The following PCDHA6 variants were observed in gnomAD, a reference collection of about 807,000 sequenced individuals.
The protein encoded by PCDHA6 is protocadherin alpha 6.
PCDHA6 carries 55 observed loss-of-function variants against 60.3 expected under a neutral mutation model. That is an observed-to-expected ratio of 0.91 (90% CI 0.73 to 1.14). The LOEUF (loss-of-function observed/expected upper bound fraction) is 1.14, where lower values mean the gene tolerates loss of function less well. Among genes scored for constraint, PCDHA6 ranks in the 50% most tolerant of loss-of-function variants. The probability of loss-of-function intolerance (pLI) is 0.00; values close to 1 mark genes in which losing one functional copy is unlikely to be tolerated. For synonymous variants in PCDHA6, 652 were observed against 557.9 expected (o/e 1.17, Z -2.38); for missense variants, 1,327 against 1,256.5 (o/e 1.06, Z -0.85).
At chr5:140,886,201 T>C (rs1224274096) in intron 1 of PCDHA6, among the ~76,000 whole-genome samples, 2 of 152,140 alleles carry the variant, frequency 1.3e-5, no homozygotes, top group African/African-American at 2.4e-5. Flanking sequence ...AGTAATCTGT[T>C]CTCCATTTCT....
chr5:140,848,707 G>GC, intron 1 of PCDHA6: 1 of 1,592,428 alleles, frequency 6.3e-7, no homozygotes, highest in Non-Finnish European at 8.6e-7. Flanking sequence ...TCCAAAGGCC[G>GC]CGGGGACCTT....
Position 140,967,279 on chromosome 5 carries a change from T to G in PCDHA6, c.2395-11670T>G, listed in dbSNP as rs184476796. The G allele has an allele frequency of 7.8e-5, 126 of 1,613,002 alleles. 1 individual carries two copies. The East Asian group carries it at 2.6e-3, about 34-fold the overall frequency. On this transcript the variant is annotated intron_variant, in intron 1 of 3. Coordinates refer to ENST00000529310, the MANE Select transcript of PCDHA6 (RefSeq NM_018909.4). ...CTGGAGCGCGCTTTCACATAGAGAGTGCGCAGGACCCCGACGTGGGCGCCA... is the reference window on the plus strand; with the variant it reads ...CTGGAGCGCGCTTTCACATAGAGAGGGCGCAGGACCCCGACGTGGGCGCCA...
chr5:140,980,562 G>A (rs944389305), intron 2 of PCDHA6, among the ~76,000 whole-genome samples: 2 of 152,048 alleles, frequency 1.3e-5, no homozygotes, highest in Non-Finnish European at 2.9e-5. Context: ...CCCGGGAGGC[G>A]GAAGTTGCAG....
rs2150473492 is a variant in PCDHA6 at position 140,850,211 on chromosome 5, C to T, written c.2394+19726C>T. 11 of 1,593,428 alleles carry T rather than the reference C, an allele frequency of 6.9e-6. 1 individual carries two copies. Among genetic ancestry groups the T allele is most frequent in the Non-Finnish European group, 9.4e-6 (11 of 1,167,634 alleles). ...CGCTGCTGACACCTCGGATGAGGGG[C>T]ACTGACGGCGCAGTGAGCGAGATGG... On this transcript the variant is annotated intron_variant, in intron 1 of 3. Coordinates refer to ENST00000529310, the MANE Select transcript of PCDHA6 (RefSeq NM_018909.4).
intron 1 of PCDHA6, chr5:140,862,484 G>A (rs2047390468): frequency 2.6e-6 from 1 of 382,510 alleles, no homozygotes; most frequent in Non-Finnish European, 5.2e-6. Context: ...TCCATTGTTG[G>A]TAATCGCTCG....
intron 1 of PCDHA6, chr5:140,882,890 C>T (rs2059348397): frequency 6.2e-7 from 1 of 1,614,060 alleles, no homozygotes; most frequent in East Asian, 2.2e-5. Flanking sequence ...AATTCAGGAA[C>T]ATAGTTTATT....
At chr5:140,994,157 G>A (rs958405989) in intron 3 of PCDHA6, among the ~76,000 whole-genome samples, 1 of 152,198 alleles carries the variant, frequency 6.6e-6, no homozygotes, top group Non-Finnish European at 1.5e-5. Context: ...TAGGGTCAAC[G>A]AAGGGGAAGG....
intron 1 of PCDHA6, chr5:140,863,473 C>A (rs966575223): frequency 6.2e-6 from 3 of 487,660 alleles, no homozygotes; most frequent in South Asian, 1.6e-5. Flanking sequence ...TCTGGAGAGT[C>A]GCCTCCCAAG....
chr5:141,010,312 G>C lies in PCDHA6; in HGVS notation c.*375G>C. On this transcript the variant is annotated 3_prime_UTR_variant, in exon 4 of 4. Transcript: ENST00000529310. ...TGCAGGGCAGGCTGAAAAGTTTTGA[G>C]ATTGAGCAGCTTGGGAGTTTGTGGC... is the stretch of plus-strand genomic sequence containing the variant. 1 of 1,547,400 alleles carries C rather than the reference G, an allele frequency of 6.5e-7. No individual in the cohort carries two copies. The highest frequency in any genetic ancestry group is 8.7e-7 in the Non-Finnish European group (1 of 1,145,752).
intron 1 of PCDHA6, among the ~76,000 whole-genome samples, chr5:140,917,939 G>A (rs1408047210): frequency 6.6e-6 from 1 of 151,830 alleles, no homozygotes; most frequent in African/African-American, 2.4e-5. Context: ...AAATAATATT[G>A]GTAGTTTGAT....
chr5:140,937,812 T>A (rs930837901), intron 1 of PCDHA6, among the ~76,000 whole-genome samples: 3 of 150,742 alleles, frequency 2.0e-5, no homozygotes, highest in Non-Finnish European at 4.4e-5. Flanking sequence ...CTCGGGAAGC[T>A]GAGGCAGGAG....
At chr5:140,862,662 C>T in intron 1 of PCDHA6, 1 of 546,862 alleles carries the variant, frequency 1.8e-6, no homozygotes, top group Non-Finnish European at 3.7e-6. Context: ...GGGACCGGGA[C>T]GCGCAGGAGA....
At chr5:140,905,135 T>A (rs2071619691) in intron 1 of PCDHA6, among the ~76,000 whole-genome samples, 1 of 152,208 alleles carries the variant, frequency 6.6e-6, no homozygotes, top group Non-Finnish European at 1.5e-5. Context: ...GAAGAGTTTT[T>A]CTGCTGTTAT....
intron 1 of PCDHA6, chr5:140,854,421 A>T (rs1331549600): frequency 1.3e-5 from 2 of 151,624 alleles, no homozygotes; most frequent in Admixed American, 1.3e-4. Flanking sequence ...TAATCTCTAA[A>T]ATCAGAATTT....
chr5:140,830,668 A>C (rs1269050211), intron 1 of PCDHA6, 183 bp downstream of exon 1: 1 of 382,460 alleles, frequency 2.6e-6, no homozygotes, highest in Non-Finnish European at 4.3e-6. Flanking sequence ...TTTAAGTGAA[A>C]TTAGAAATCA....
intron 1 of PCDHA6, chr5:140,884,567 A>T (rs1562807924): frequency 6.2e-7 from 1 of 1,614,120 alleles, no homozygotes; most frequent in Non-Finnish European, 8.5e-7. Context: ...CCCGCATAAG[A>T]CGGACCTCAT....
chr5:140,872,087 A>C (rs2053480826), intron 1 of PCDHA6, among the ~76,000 whole-genome samples: 2 of 152,304 alleles, frequency 1.3e-5, no homozygotes, highest in East Asian at 1.9e-4. Flanking sequence ...GTGCCACTGC[A>C]CTTAGTCCAT....
At chr5:140,928,836 C>T (rs1554206380) in intron 1 of PCDHA6, 1 of 1,614,168 alleles carries the variant, frequency 6.2e-7, no homozygotes. Context: ...CACTTTCCTC[C>T]TCTGTCACTC....
At chr5:140,983,481 T>A (rs782574681) in intron 3 of PCDHA6, among the ~76,000 whole-genome samples, 2 of 152,226 alleles carry the variant, frequency 1.3e-5, no homozygotes, top group Non-Finnish European at 2.9e-5. Context: ...TAATAGTAGT[T>A]ACTAATTATT....
Sources: gnomAD v4.1 joint callset for allele counts (sites outside exome capture counted in the v4.1 genomes callset) on GRCh38, gnomAD v4.1.1 for gene constraint, MANE v1.5 for transcripts, NCBI Gene and HGNC (gene_info 2026-07-23, HGNC 2026-07-21) for gene names.